Variants in PDE4B observed in about 807,000 individuals in gnomAD.
The protein encoded by PDE4B is phosphodiesterase 4B.
In PDE4B, 20 loss-of-function variants were observed where a neutral mutation model predicts 82.2. That is an observed-to-expected ratio of 0.24 (90% CI 0.17 to 0.35). The LOEUF is 0.35. PDE4B is among the 10% of genes least tolerant of loss of function. The pLI is 1.00. For missense variants in PDE4B, 655 were observed against 907.2 expected, an observed-to-expected ratio of 0.72 and a Z score of 3.57; for synonymous variants, 320 against 318.9, an observed-to-expected ratio of 1.00 and a Z score of -0.04.
intron 3 of PDE4B, among the ~76,000 whole-genome samples, chr1:65,969,517 T>C (rs1391535704): frequency 6.6e-6 from 1 of 152,182 alleles, no homozygotes; most frequent in African/African-American, 2.4e-5. Flanking sequence ...AGAGAATCAA[T>C]TAACACTTGG....
intron 3 of PDE4B, among the ~76,000 whole-genome samples, chr1:66,099,736 C>CA (rs577944941): frequency 6.6e-6 from 1 of 152,050 alleles, no homozygotes; most frequent in South Asian, 2.1e-4. Flanking sequence ...CACATATTGA[C>CA]ACCTACAATA....
At chr1:65,883,439 A>G (rs941035911) in intron 1 of PDE4B, among the ~76,000 whole-genome samples, 16 of 151,964 alleles carry the variant, frequency 1.1e-4, no homozygotes, top group Non-Finnish European at 1.8e-4. Flanking sequence ...GAGTTCACTC[A>G]TGATTTGGCT....
At chr1:66,203,695 C>G (rs1020020183) in intron 3 of PDE4B, among the ~76,000 whole-genome samples, 7 of 152,196 alleles carry the variant, frequency 4.6e-5, no homozygotes, top group African/African-American at 1.7e-4. Flanking sequence ...GCTTTCAGCT[C>G]CATCAGCTCC....
At chr1:65,798,040 A>G (rs895457331) in intron 1 of PDE4B, among the ~76,000 whole-genome samples, 1 of 151,736 alleles carries the variant, frequency 6.6e-6, no homozygotes, top group Admixed American at 6.6e-5. Flanking sequence ...ATTTTTTGAG[A>G]TGGAGTTTCG....
chr1:65,929,324 T>A (rs1270970196), intron 3 of PDE4B, among the ~76,000 whole-genome samples: 1 of 152,168 alleles, frequency 6.6e-6, no homozygotes, highest in African/African-American at 2.4e-5. Flanking sequence ...GGGGAAGCTG[T>A]TCCTTCTGGC....
chr1:65,880,282 G>C (rs904062077), intron 1 of PDE4B, among the ~76,000 whole-genome samples: 3 of 152,214 alleles, frequency 2.0e-5, no homozygotes, highest in Admixed American at 1.3e-4. Flanking sequence ...TACCAGGCCT[G>C]AGTAGGTGGC....
chr1:66,332,349 C>G (rs1282784985), intron 7 of PDE4B, 159 bp from the exon 8 acceptor site: 1 of 1,608,170 alleles, frequency 6.2e-7, no homozygotes, highest in Non-Finnish European at 8.5e-7. Flanking sequence ...ATTTGTTCTC[C>G]TGGTGGAGAG....
At chr1:66,309,451 A>G (rs1658517117) in intron 7 of PDE4B, among the ~76,000 whole-genome samples, 1 of 152,254 alleles carries the variant, frequency 6.6e-6, no homozygotes, top group Admixed American at 6.5e-5. Context: ...GACGTGGTAT[A>G]TAAGACAGTA....
In PDE4B at chr1:66,365,710, C is replaced by G; in HGVS notation, c.1328C>G (p.Ala443Gly). 1 of 1,609,674 alleles carries G rather than the reference C, an allele frequency of 6.2e-7. No homozygotes were observed. Among genetic ancestry groups the G allele is most frequent in the South Asian group, 1.1e-5 (1 of 90,584 alleles). ...GAGATCCTGGCTGCCATTTTTGCAG[C>G]TGCCATCCATGACGTTGATCATCCT... ...DLEILAAIFA[A>G]AIHDVDHPGV... The change falls in exon 13 of 17, where the codon GCT becomes GGT. Residue 443 changes from alanine (A) to glycine (G), a missense_variant. Around this residue, in one of 3 missense-constraint regions of PDE4B, gnomAD observed 283 missense variants for 516.4 expected, o/e 0.55. Transcript: ENST00000341517.
At chr1:65,984,556 A>G (rs1269789250) in intron 3 of PDE4B, among the ~76,000 whole-genome samples, 1 of 152,226 alleles carries the variant, frequency 6.6e-6, no homozygotes, top group Non-Finnish European at 1.5e-5. Context: ...CTTGTTCAAG[A>G]CCAGCATGGC....
rs184442947 is a variant in PDE4B, at chr1:66,215,150, A to T, written c.282-32310A>T. On this transcript the variant is annotated intron_variant, in intron 3 of 16. Transcript: ENST00000341517. ...AGCTCAGCACAGGAAGTACAAAAAG[A>T]TGCAACAGAATGCCTCAGAAATCTC... Among the ~76,000 whole-genome samples the T allele has an allele frequency of 9.8e-5, 15 of 152,286 alleles. No homozygotes were observed. In the East Asian group the frequency reaches 2.9e-3, roughly 29 times the overall value.
intron 1 of PDE4B, among the ~76,000 whole-genome samples, chr1:65,868,688 C>T (rs1447797439): frequency 1.3e-5 from 2 of 152,184 alleles, no homozygotes; most frequent in African/African-American, 2.4e-5. Flanking sequence ...CAGTAGTGGT[C>T]TGTGGCCTGT....
intron 7 of PDE4B, among the ~76,000 whole-genome samples, chr1:66,281,250 C>G (rs1405091415): frequency 6.6e-6 from 1 of 152,238 alleles, no homozygotes; most frequent in African/African-American, 2.4e-5. Flanking sequence ...CTTATTGCCC[C>G]ACTCCTCAAG....
chr1:66,054,936 G>C (rs1305705014), intron 3 of PDE4B, among the ~76,000 whole-genome samples: 1 of 152,162 alleles, frequency 6.6e-6, no homozygotes, highest in Non-Finnish European at 1.5e-5. Flanking sequence ...ACTGCCTTCA[G>C]ATTGGAGAGA....
chr1:66,362,248 A>T (rs1662838036), intron 10 of PDE4B, among the ~76,000 whole-genome samples: 1 of 152,186 alleles, frequency 6.6e-6, no homozygotes, highest in African/African-American at 2.4e-5. Context: ...TATGCCAAGG[A>T]CCAATGGGAA....
chr1:66,254,371 C>T (rs941465556), intron 4 of PDE4B, among the ~76,000 whole-genome samples: 1 of 152,194 alleles, frequency 6.6e-6, no homozygotes, highest in African/African-American at 2.4e-5. Context: ...CACCACACTC[C>T]ATTTATCACA....
intron 7 of PDE4B, among the ~76,000 whole-genome samples, chr1:66,325,053 A>G (rs1344539741): frequency 6.6e-6 from 1 of 152,218 alleles, no homozygotes; most frequent in African/African-American, 2.4e-5. Flanking sequence ...ACCTTTGCAT[A>G]AAGAGATGCC....
At chr1:66,102,042 T>G (rs1391702510) in intron 3 of PDE4B, among the ~76,000 whole-genome samples, 3 of 152,172 alleles carry the variant, frequency 2.0e-5, no homozygotes, top group African/African-American at 7.2e-5. Flanking sequence ...GTTTCAGCTT[T>G]CTACATATGG....
At chr1:65,919,621 T>A (rs1402786553) in intron 3 of PDE4B, among the ~76,000 whole-genome samples, 1 of 152,246 alleles carries the variant, frequency 6.6e-6, no homozygotes, top group African/African-American at 2.4e-5. Context: ...AAATTAATAA[T>A]GTGTTGCTTT....
Sources: gnomAD v4.1 joint callset for allele counts (sites outside exome capture counted in the v4.1 genomes callset) on GRCh38, gnomAD v4.1.1 for gene constraint, gnomAD v4.1.1 regional missense constraint, MANE v1.5 for transcripts, NCBI Gene and HGNC (gene_info 2026-07-23, HGNC 2026-07-21) for gene names.